TBC1D5: variants seen among roughly 807,000 people sequenced by gnomAD.
The protein encoded by TBC1D5 is TBC1 domain family, member 5.
A neutral mutation model predicts 100.3 loss-of-function variants in TBC1D5; 75 were observed. That is an observed-to-expected ratio of 0.75 (90% CI 0.62 to 0.91). The LOEUF is 0.91. Among genes scored for constraint, TBC1D5 ranks in the 40% least tolerant of loss-of-function variants. The probability of loss-of-function intolerance (pLI) is 0.00; values close to 1 mark genes in which losing one functional copy is unlikely to be tolerated. For missense variants in TBC1D5, 910 were observed against 942.4 expected, an observed-to-expected ratio of 0.97 and a Z score of 0.45; for synonymous variants, 323 against 325.6, an observed-to-expected ratio of 0.99 and a Z score of 0.09.
intron 13 of TBC1D5, among the ~76,000 whole-genome samples, chr3:17,359,114 T>C (rs140142656): frequency 3.3e-5 from 5 of 152,162 alleles, no homozygotes; most frequent in Middle Eastern, 3.4e-3. Context: ...GAACCAAAAG[T>C]AGTCAAAAGC....
intron 2 of TBC1D5, among the ~76,000 whole-genome samples, chr3:17,531,780 G>A (rs376500177): frequency 0.03 from 4,609 of 152,152 alleles, 216 homozygotes; most frequent in African/African-American, 0.1. Flanking sequence ...CTGGCTAGCC[G>A]TATGTAGAAA....
Position 17,363,080 on chromosome 3 carries a change from A to G in TBC1D5, c.995+8995T>C, listed in dbSNP as rs180875435. 2.4e-4 allele frequency among the ~76,000 whole-genome samples: 36 copies of G among 152,280 alleles called. No individual in the cohort carries two copies. The East Asian group carries it at 6.6e-3, about 28-fold the overall frequency. ...ATTTTCTGTTATTGTTTTCAATTAT[A>G]TTAGTTTTAACTCATATTTATTATT... is the stretch of plus-strand genomic sequence containing the variant. On this transcript the variant is annotated intron_variant, in intron 13 of 21. Transcript: ENST00000253692.
chr3:17,584,935 C>A (rs954831074), intron 2 of TBC1D5, among the ~76,000 whole-genome samples: 18 of 152,038 alleles, frequency 1.2e-4, no homozygotes. Context: ...GGATTACAGG[C>A]GTGAGCCACT....
chr3:17,434,095 T>C (rs1019561603), intron 3 of TBC1D5, among the ~76,000 whole-genome samples: 1 of 152,204 alleles, frequency 6.6e-6, no homozygotes, highest in Admixed American at 6.5e-5. Flanking sequence ...CAGCTGGCGT[T>C]GAGTGTCTGC....
At chr3:17,448,005 T>C (rs2094838726) in intron 3 of TBC1D5, among the ~76,000 whole-genome samples, 1 of 152,164 alleles carries the variant, frequency 6.6e-6, no homozygotes, top group African/African-American at 2.4e-5. Context: ...TTTAGGGTAA[T>C]TAACTTTGTA....
At chr3:17,690,608 T>C (rs1382256997) in intron 1 of TBC1D5, among the ~76,000 whole-genome samples, 2 of 152,326 alleles carry the variant, frequency 1.3e-5, no homozygotes, top group African/African-American at 4.8e-5. Flanking sequence ...CTGCTCCCCA[T>C]TGCTCACATT....
intron 15 of TBC1D5, among the ~76,000 whole-genome samples, chr3:17,260,606 A>C (rs557407226): frequency 6.6e-6 from 1 of 152,346 alleles, no homozygotes; most frequent in Non-Finnish European, 1.5e-5. Context: ...AAATGTGAAG[A>C]AAATAAAATC....
intron 17 of TBC1D5, among the ~76,000 whole-genome samples, chr3:17,216,780 A>G (rs930811068): frequency 1.3e-5 from 2 of 152,176 alleles, no homozygotes; most frequent in African/African-American, 4.8e-5. Context: ...AAAAGATCTC[A>G]GGAACCACCT....
intron 3 of TBC1D5, among the ~76,000 whole-genome samples, chr3:17,480,745 C>T (rs2095492024): frequency 6.6e-6 from 1 of 152,086 alleles, no homozygotes; most frequent in Non-Finnish European, 1.5e-5. Flanking sequence ...GGTCTCCTCT[C>T]TGCTGAGAGC....
intron 1 of TBC1D5, chr3:17,706,079 C>A (rs952435503): frequency 5.6e-6 from 9 of 1,603,478 alleles, no homozygotes; most frequent in Middle Eastern, 2.2e-4. Context: ...CGACCCCAGA[C>A]TGGGCGGCGG....
intron 1 of TBC1D5, among the ~76,000 whole-genome samples, chr3:17,661,658 G>A (rs574327632): frequency 6.6e-6 from 1 of 151,806 alleles, no homozygotes; most frequent in Non-Finnish European, 1.5e-5. Flanking sequence ...CTGCCACCTC[G>A]TTGGCTAATT....
chr3:17,417,866 TTTAAGA>T (rs2094121864), intron 4 of TBC1D5, among the ~76,000 whole-genome samples: 2 of 140,462 alleles, frequency 1.4e-5, no homozygotes, highest in South Asian at 4.5e-4. Context: ...GTTTGAGAAC[TTTAAGA>T]TTTAGAAGTA....
chr3:17,350,073 A>G (rs2090376284), intron 13 of TBC1D5, among the ~76,000 whole-genome samples: 1 of 152,100 alleles, frequency 6.6e-6, no homozygotes, highest in South Asian at 2.1e-4. Flanking sequence ...ATTTCACCAA[A>G]AGACTGACAA....
intron 1 of TBC1D5, among the ~76,000 whole-genome samples, chr3:17,694,273 G>A (rs1404762832): frequency 6.6e-6 from 1 of 152,188 alleles, no homozygotes; most frequent in East Asian, 1.9e-4. Context: ...GTAGGCTTCA[G>A]AAGGTCAGTA....
chr3:17,378,906 A>G (rs1209143219), intron 9 of TBC1D5, among the ~76,000 whole-genome samples: 1 of 151,802 alleles, frequency 6.6e-6, no homozygotes, highest in Non-Finnish European at 1.5e-5. Context: ...AATCTATTCA[A>G]TAAGCTGAAT....
intron 1 of TBC1D5, among the ~76,000 whole-genome samples, chr3:17,628,925 C>T (rs952723604): frequency 1.3e-5 from 2 of 152,152 alleles, no homozygotes; most frequent in African/African-American, 2.4e-5. Flanking sequence ...GCTGTGTCTG[C>T]CGCCTACATT....
intron 16 of TBC1D5, among the ~76,000 whole-genome samples, chr3:17,239,567 C>T (rs2149062422): frequency 6.6e-6 from 1 of 152,288 alleles, no homozygotes; most frequent in South Asian, 2.1e-4. Context: ...GGCCTATTTG[C>T]CATTGCCCTA....
At chr3:17,300,377 T>C (rs1404527314) in intron 14 of TBC1D5, among the ~76,000 whole-genome samples, 1 of 152,182 alleles carries the variant, frequency 6.6e-6, no homozygotes. Context: ...ATAAATACAA[T>C]TTGTAGTTGA....
chr3:17,360,063 A>C (rs1255655068), intron 13 of TBC1D5, among the ~76,000 whole-genome samples: 1 of 152,004 alleles, frequency 6.6e-6, no homozygotes, highest in Non-Finnish European at 1.5e-5. Context: ...TTCCAATCTA[A>C]ATGTATTCTG....
Sources: allele counts gnomAD v4.1 joint callset (sites outside exome capture counted in the v4.1 genomes callset), GRCh38; gene constraint gnomAD v4.1.1; transcripts MANE v1.5; gene names NCBI Gene and HGNC (gene_info 2026-07-23, HGNC 2026-07-21).